PRKD1: variants seen among roughly 807,000 people sequenced by gnomAD.
PRKD1 encodes the protein protein kinase D1, also known as serine/threonine-protein kinase D1.
PRKD1 carries 63 observed loss-of-function variants against 95.9 expected under a neutral mutation model. The ratio of observed to expected loss-of-function variants is 0.66; its 90% CI spans 0.54 to 0.81. The LOEUF is 0.81. PRKD1 is among the 30% of genes least tolerant of loss of function. The probability of loss-of-function intolerance (pLI) is 0.00; values close to 1 mark genes in which losing one functional copy is unlikely to be tolerated. For missense variants in PRKD1, 1,048 were observed against 1,165.3 expected, an observed-to-expected ratio of 0.90 and a Z score of 1.47; for synonymous variants, 425 against 423.1, an observed-to-expected ratio of 1.00 and a Z score of -0.05.
At chr14:29,873,820 T>C (rs1217633131) in intron 1 of PRKD1, among the ~76,000 whole-genome samples, 2 of 151,554 alleles carry the variant, frequency 1.3e-5, no homozygotes, top group Non-Finnish European at 2.9e-5. Flanking sequence ...GTATATAATA[T>C]ATAAATTATT....
intron 2 of PRKD1, among the ~76,000 whole-genome samples, chr14:29,688,163 C>T (rs1036308170): frequency 1.3e-5 from 2 of 152,258 alleles, no homozygotes; most frequent in Non-Finnish European, 1.5e-5. Flanking sequence ...AAGCCAAAAA[C>T]GTTAGGCCAA....
chr14:29,926,763 G>A (rs891889166), intron 1 of PRKD1, among the ~76,000 whole-genome samples: 1 of 152,116 alleles, frequency 6.6e-6, no homozygotes, highest in African/African-American at 2.4e-5. Context: ...TTGACAACTG[G>A]CCGAGTCAAT....
chr14:29,610,177 G>T (rs932167555), intron 13 of PRKD1, among the ~76,000 whole-genome samples: 1 of 151,770 alleles, frequency 6.6e-6, no homozygotes, highest in Admixed American at 6.6e-5. Flanking sequence ...CAGAAAAGAT[G>T]AATGGAAAAT....
chr14:29,914,392 T>C (rs1041019089), intron 1 of PRKD1, among the ~76,000 whole-genome samples: 1 of 152,220 alleles, frequency 6.6e-6, no homozygotes, highest in Non-Finnish European at 1.5e-5. Flanking sequence ...ACAAACTTTA[T>C]TAAAAGAATA....
At chr14:29,756,439 T>A (rs1381815723) in intron 1 of PRKD1, among the ~76,000 whole-genome samples, 1 of 152,210 alleles carries the variant, frequency 6.6e-6, no homozygotes, top group Non-Finnish European at 1.5e-5. Context: ...CTAGAATTTT[T>A]AAATATGCAT....
intron 1 of PRKD1, among the ~76,000 whole-genome samples, chr14:29,731,033 A>C (rs1886409303): frequency 6.6e-6 from 1 of 152,206 alleles, no homozygotes; most frequent in Non-Finnish European, 1.5e-5. Context: ...AAGGTAAGTA[A>C]GTGAGGTATG....
chr14:29,578,531 T>C (rs1892643667), intron 16 of PRKD1, among the ~76,000 whole-genome samples, 171 bp from the exon 17 acceptor site: 1 of 145,240 alleles, frequency 6.9e-6, no homozygotes. Context: ...GCCTTCATTT[T>C]ATTTTGGATA....
chr14:29,690,231 C>T (rs1484736232), intron 2 of PRKD1, among the ~76,000 whole-genome samples: 1 of 152,126 alleles, frequency 6.6e-6, no homozygotes, highest in Non-Finnish European at 1.5e-5. Flanking sequence ...TTATACTCCC[C>T]AAGTCCATCC....
intron 1 of PRKD1, among the ~76,000 whole-genome samples, chr14:29,798,905 T>G (rs1889919041): frequency 6.6e-6 from 1 of 152,224 alleles, no homozygotes; most frequent in Non-Finnish European, 1.5e-5. Context: ...CATCAGTAGT[T>G]GAGCTGTTCT....
At chr14:29,815,801 T>G (rs1195617914) in intron 1 of PRKD1, among the ~76,000 whole-genome samples, 1 of 152,236 alleles carries the variant, frequency 6.6e-6, no homozygotes, top group Non-Finnish European at 1.5e-5. Flanking sequence ...ATGGCATTTA[T>G]GTCGACCAGT....
At chr14:29,890,158 A>C (rs895079194) in intron 1 of PRKD1, among the ~76,000 whole-genome samples, 1 of 152,210 alleles carries the variant, frequency 6.6e-6, no homozygotes, top group African/African-American at 2.4e-5. Flanking sequence ...TTCTCTCCAG[A>C]ATAATTCTGT....
chr14:29,742,147 G>T (rs1168303949), intron 1 of PRKD1, among the ~76,000 whole-genome samples: 3 of 152,134 alleles, frequency 2.0e-5, no homozygotes, highest in African/African-American at 7.2e-5. Context: ...CATTTACTTT[G>T]ATGTTCCTTG....
At chr14:29,879,093 G>A (rs979696121) in intron 1 of PRKD1, among the ~76,000 whole-genome samples, 9 of 152,116 alleles carry the variant, frequency 5.9e-5, no homozygotes, top group Admixed American at 1.3e-4. Context: ...CCTTCAGCCT[G>A]CCTGGCCTCC....
At position 29,578,335 on chromosome 14, in the gene PRKD1, C is replaced by T. The variant is rs942359596; in HGVS notation, c.2460G>A (p.Leu820=). Residue 820 remains leucine, a synonymous_variant, in exon 17 of 18, where the codon CTG becomes CTA. Coordinates refer to ENST00000331968, the MANE Select transcript of PRKD1 (RefSeq NM_002742.3). ...HEAIDLINNL[L]QVKMRKRYSV... is the part of the protein sequence containing the mutation. ...TGTAGCGCTTTCTCATTTTTACTTG[C>T]AGCAAATTGTTGATAAGATCAATGG... is the stretch of plus-strand genomic sequence containing the variant. 6.2e-7 allele frequency: 1 copy of T among 1,610,306 alleles called. No individual in the cohort carries two copies. The highest frequency in any genetic ancestry group is 1.3e-5 in the African/African-American group (1 of 74,684).
At chr14:29,745,591 C>T (rs1248424519) in intron 1 of PRKD1, among the ~76,000 whole-genome samples, 1 of 152,146 alleles carries the variant, frequency 6.6e-6, no homozygotes, top group Non-Finnish European at 1.5e-5. Context: ...GCCTCAGCCT[C>T]CTGAGTAGCT....
chr14:29,822,399 T>C (rs889210114), intron 1 of PRKD1, among the ~76,000 whole-genome samples: 2 of 152,240 alleles, frequency 1.3e-5, no homozygotes, highest in Admixed American at 1.3e-4. Flanking sequence ...TGGGTCAATA[T>C]TCACTTTATG....
intron 2 of PRKD1, among the ~76,000 whole-genome samples, chr14:29,701,327 A>G (rs1217000226): frequency 1.3e-5 from 2 of 152,206 alleles, no homozygotes; most frequent in African/African-American, 4.8e-5. Context: ...CGTTTTCACA[A>G]GTCCTCCAGG....
chr14:29,597,875 G>A (rs958978577), intron 15 of PRKD1, 117 bp from the exon 16 acceptor site: 6 of 1,085,550 alleles, frequency 5.5e-6, no homozygotes, highest in African/African-American at 4.8e-5. Flanking sequence ...TACATTAAAT[G>A]ATATGGATTT....
chr14:29,604,078 A>G (rs1893620240), intron 13 of PRKD1, among the ~76,000 whole-genome samples: 2 of 152,166 alleles, frequency 1.3e-5, no homozygotes, highest in East Asian at 3.8e-4. Flanking sequence ...ACTAGAATCA[A>G]AAGCTTTTAT....
Sources: gnomAD v4.1 joint callset for allele counts (sites outside exome capture counted in the v4.1 genomes callset) on GRCh38, gnomAD v4.1.1 for gene constraint, MANE v1.5 for transcripts, NCBI Gene and HGNC (gene_info 2026-07-23, HGNC 2026-07-21) for gene names.